Variants in ZNG1E observed in about 807,000 individuals in gnomAD.
ZNG1E encodes the protein Zn regulated GTPase metalloprotein activator 1E.
the ZNG1E span, chr9:65,703,549 C>G: frequency 1.0e-6 from 1 of 958,100 alleles, no homozygotes; most frequent in Non-Finnish European, 1.2e-6. Flanking sequence ...ATCTTAATTT[C>G]AGAAAATTTC....
the ZNG1E span, among the ~76,000 whole-genome samples, chr9:65,724,406 G>T: frequency 2.7e-5 from 4 of 146,142 alleles, no homozygotes; most frequent in Non-Finnish European, 5.9e-5. Context: ...GCTTTGACAG[G>T]CCAAGGTGGG....
At chr9:65,691,504 A>C in the ZNG1E span, among the ~76,000 whole-genome samples, 1 of 152,174 alleles carries the variant, frequency 6.6e-6, no homozygotes, top group Non-Finnish European at 1.5e-5. Context: ...CTTTGTTCAT[A>C]TAGATTAAAA....
chr9:65,671,681 G>C, the ZNG1E span, among the ~76,000 whole-genome samples: 2 of 152,096 alleles, frequency 1.3e-5, no homozygotes, highest in African/African-American at 4.8e-5. Flanking sequence ...AAGGGATAGA[G>C]CAGAGGGGAC....
the ZNG1E span, among the ~76,000 whole-genome samples, chr9:65,698,943 A>C: frequency 8.4e-4 from 122 of 144,718 alleles, no homozygotes; most frequent in Middle Eastern, 0.01. Context: ...TCTGTCACCC[A>C]GGCTGAAGTG....
At chr9:65,673,760 G>C in the ZNG1E span, among the ~76,000 whole-genome samples, 1 of 145,374 alleles carries the variant, frequency 6.9e-6, no homozygotes, top group African/African-American at 2.5e-5. Flanking sequence ...AGCTGTGATC[G>C]TGCCAATGCA....
chr9:65,691,552 T>C, the ZNG1E span, among the ~76,000 whole-genome samples: 3 of 152,258 alleles, frequency 2.0e-5, no homozygotes, highest in Admixed American at 2.0e-4. Flanking sequence ...TCACTCAACT[T>C]CCAATTTAGT....
At chr9:65,658,228 T>C in the ZNG1E span, among the ~76,000 whole-genome samples, 2 of 152,106 alleles carry the variant, frequency 1.3e-5, no homozygotes, top group African/African-American at 4.8e-5. Context: ...TAAGAGGAGA[T>C]ATTGTATTGC....
At chr9:65,666,873 T>C in the ZNG1E span, among the ~76,000 whole-genome samples, 1 of 152,246 alleles carries the variant, frequency 6.6e-6, no homozygotes, top group Non-Finnish European at 1.5e-5. Flanking sequence ...CAGGCTGGAA[T>C]GCAATGGCAC....
At chr9:65,675,543 A>G in the ZNG1E span, among the ~76,000 whole-genome samples, 30 of 149,660 alleles carry the variant, frequency 2.0e-4, no homozygotes, top group Admixed American at 1.8e-3. Flanking sequence ...TAACGAGACT[A>G]AAAAATCAAG....
chr9:65,675,136 T>G, the ZNG1E span, among the ~76,000 whole-genome samples: 1 of 152,086 alleles, frequency 6.6e-6, no homozygotes, highest in Non-Finnish European at 1.5e-5. Context: ...ATGACTGTTG[T>G]TACTATCTTA....
the ZNG1E span, among the ~76,000 whole-genome samples, chr9:65,716,678 A>G: frequency 6.6e-6 from 1 of 151,330 alleles, no homozygotes; most frequent in Non-Finnish European, 1.5e-5. Flanking sequence ...AAAAAAAATA[A>G]AGAAAAAAGA....
the ZNG1E span, among the ~76,000 whole-genome samples, chr9:65,662,433 C>T: frequency 3.9e-5 from 6 of 152,228 alleles, no homozygotes; most frequent in African/African-American, 1.4e-4. Context: ...GGTAGCGTAT[C>T]GACGCTCATT....
the ZNG1E span, among the ~76,000 whole-genome samples, chr9:65,669,537 C>T: frequency 6.7e-6 from 1 of 149,352 alleles, no homozygotes; most frequent in East Asian, 1.9e-4. Context: ...GTCATTCCAC[C>T]ACTCCTATAG....
At chr9:65,714,966 C>T in the ZNG1E span, among the ~76,000 whole-genome samples, 1 of 150,592 alleles carries the variant, frequency 6.6e-6, no homozygotes, top group East Asian at 1.9e-4. Context: ...CCTAAGCAAG[C>T]CTGGGCAATG....
chr9:65,685,603 GTC>G, the ZNG1E span, among the ~76,000 whole-genome samples: 1 of 151,720 alleles, frequency 6.6e-6, no homozygotes, highest in East Asian at 1.9e-4. Context: ...CAGGAATTGA[GTC>G]ACATCTTCAG....
chr9:65,667,396 A>T, the ZNG1E span, among the ~76,000 whole-genome samples: 1 of 152,270 alleles, frequency 6.6e-6, no homozygotes, highest in African/African-American at 2.4e-5. Flanking sequence ...ATTATAAGTA[A>T]CCAGAACTGT....
At chr9:65,672,420 C>A in the ZNG1E span, among the ~76,000 whole-genome samples, 3 of 149,502 alleles carry the variant, frequency 2.0e-5, no homozygotes, top group Non-Finnish European at 4.4e-5. Context: ...TTCAATTTAA[C>A]AATTTAACAA....
the ZNG1E span, among the ~76,000 whole-genome samples, chr9:65,657,284 A>G: frequency 0.051 from 6,530 of 128,486 alleles, 4 homozygotes; most frequent in Non-Finnish European, 0.066. Flanking sequence ...TTACTGTAGC[A>G]CTATTCATAA....
the ZNG1E span, among the ~76,000 whole-genome samples, chr9:65,678,083 A>G: frequency 2.0e-5 from 3 of 148,392 alleles, no homozygotes; most frequent in African/African-American, 5.1e-5. Context: ...TGAATGAACT[A>G]TGTCTTAAAG....
Sources: gnomAD v4.1 joint callset for allele counts (sites outside exome capture counted in the v4.1 genomes callset) on GRCh38, gnomAD v4.1.1 for gene constraint, MANE v1.5 for transcripts, NCBI Gene and HGNC (gene_info 2026-07-23, HGNC 2026-07-21) for gene names.